Variants in CDH23 observed in about 807,000 individuals in gnomAD.
CDH23 encodes cadherin related 23, also known as cadherin-23.
A neutral mutation model predicts 317.1 loss-of-function variants in CDH23; 189 were observed. The observed-to-expected ratio is 0.60, with a 90% CI of 0.53 to 0.67. CDH23 has a LOEUF of 0.67. Ranked by LOEUF, CDH23 falls within the 30% of genes least tolerant of loss-of-function variation. The pLI is 0.00. For synonymous variants in CDH23, 1,839 were observed against 1,876.8 expected (o/e 0.98, Z 0.52); for missense variants, 4,401 against 4,592.4 (o/e 0.96, Z 1.20).
chr10:71,585,329 A>G (rs1858976861), intron 9 of CDH23, among the ~76,000 whole-genome samples: 1 of 152,172 alleles, frequency 6.6e-6, no homozygotes, highest in Non-Finnish European at 1.5e-5. Context: ...CCCTAGACCC[A>G]CATGTACCAA....
At chr10:71,499,736 G>C (rs1162544718) in intron 3 of CDH23, among the ~76,000 whole-genome samples, 1 of 152,116 alleles carries the variant, frequency 6.6e-6, no homozygotes, top group Non-Finnish European at 1.5e-5. Flanking sequence ...CTACTTGGGA[G>C]GCTGAGGCAG....
At chr10:71,530,562 A>G (rs2394806) in intron 6 of CDH23, among the ~76,000 whole-genome samples, 110,135 of 152,134 alleles carry the variant, frequency 0.72, 40,286 homozygotes, top group East Asian at 0.89. Context: ...GTGTGAGGCT[A>G]GGTCTCTCGA....
intron 14 of CDH23, among the ~76,000 whole-genome samples, chr10:71,660,422 C>T (rs1174639020): frequency 1.3e-5 from 2 of 152,174 alleles, no homozygotes; most frequent in Admixed American, 6.5e-5. Flanking sequence ...CCTTCCAGCT[C>T]TCTTCTCCAC....
intron 38 of CDH23, chr10:71,761,896 C>A (rs374090338): frequency 6.2e-7 from 1 of 1,614,020 alleles, no homozygotes; most frequent in Non-Finnish European, 8.5e-7. Flanking sequence ...TGCGGTACCA[C>A]GTCTTGTAGA....
At chr10:71,590,362 G>A (rs1859382802) in intron 9 of CDH23, among the ~76,000 whole-genome samples, 1 of 152,156 alleles carries the variant, frequency 6.6e-6, no homozygotes, top group Non-Finnish European at 1.5e-5. Flanking sequence ...CCCACCACTT[G>A]AAGGCATTTC....
intron 38 of CDH23, among the ~76,000 whole-genome samples, chr10:71,765,567 C>G (rs1475396761): frequency 6.6e-6 from 1 of 152,150 alleles, no homozygotes; most frequent in East Asian, 1.9e-4. Flanking sequence ...GGTTAATGAC[C>G]CCAGGATTGT....
intron 38 of CDH23, among the ~76,000 whole-genome samples, chr10:71,767,904 C>T (rs1840592681): frequency 1.3e-5 from 2 of 152,160 alleles, no homozygotes; most frequent in South Asian, 4.1e-4. Flanking sequence ...GAGCTGGAGG[C>T]TAGCATGCCT....
At chr10:71,702,290 T>G in intron 23 of CDH23, 79 bp downstream of exon 23, 3 of 1,468,354 alleles carry the variant, frequency 2.0e-6, no homozygotes, top group Non-Finnish European at 1.9e-6. Flanking sequence ...CTGGGGTACC[T>G]GGGGCCCACC....
At chr10:71,589,974 T>C (rs1859357454) in intron 9 of CDH23, among the ~76,000 whole-genome samples, 1 of 152,214 alleles carries the variant, frequency 6.6e-6, no homozygotes. Flanking sequence ...CCCAGTTGCC[T>C]AAGATTTCAT....
intron 11 of CDH23, chr10:71,635,231 T>C (rs1862207240): frequency 6.5e-6 from 1 of 152,680 alleles, no homozygotes. Flanking sequence ...TATAATTCTT[T>C]TCTCAGGAGA....
At chr10:71,760,115 A>ATG (rs1840305461) in intron 38 of CDH23, among the ~76,000 whole-genome samples, 1 of 95,236 alleles carries the variant, frequency 1.1e-5, no homozygotes, top group Non-Finnish European at 2.4e-5. Flanking sequence ...ACATACATAT[A>ATG]TGTGTGTATA....
chr10:71,570,149 G>A (rs1384749106), intron 7 of CDH23, among the ~76,000 whole-genome samples: 2 of 152,066 alleles, frequency 1.3e-5, no homozygotes, highest in South Asian at 2.1e-4. Context: ...AGTCTTTCTC[G>A]GAGTCCCCCA....
chr10:71,687,173 T>G (rs1244195650), intron 18 of CDH23, among the ~76,000 whole-genome samples: 1 of 152,220 alleles, frequency 6.6e-6, no homozygotes, highest in Non-Finnish European at 1.5e-5. Flanking sequence ...GGGAACCACC[T>G]GACCCTGAGC....
In CDH23 at chr10:71,421,361, C is replaced by T. The variant is rs1388538791; in HGVS notation, c.-5-18466C>T. ...CACCACCTGCCCCACCTGAGGAGAA[C>T]CTGTGTGCCTGGGGAGTGGGTGGGG... On this transcript the variant is annotated intron_variant, in intron 1 of 69. Coordinates refer to ENST00000224721, the MANE Select transcript of CDH23 (RefSeq NM_022124.6). 4.6e-5 allele frequency among the ~76,000 whole-genome samples: 7 copies of T among 152,362 alleles called. No homozygotes were observed. In the South Asian group the frequency reaches 1.0e-3, roughly 23 times the overall value.
At chr10:71,445,555 G>A (rs1177293835) in intron 2 of CDH23, among the ~76,000 whole-genome samples, 11 of 152,206 alleles carry the variant, frequency 7.2e-5, no homozygotes. Context: ...AAAGTAAAAA[G>A]AGACAACGTG....
intron 17 of CDH23, among the ~76,000 whole-genome samples, chr10:71,680,914 C>T (rs193187993): frequency 1.0e-4 from 15 of 146,648 alleles, no homozygotes; most frequent in African/African-American, 3.8e-4. Flanking sequence ...TTGCAACCTC[C>T]GCCTTGTGGG....
At chr10:71,650,479 T>C (rs1863114804) in intron 14 of CDH23, among the ~76,000 whole-genome samples, 1 of 152,154 alleles carries the variant, frequency 6.6e-6, no homozygotes, top group African/African-American at 2.4e-5. Context: ...TAGGCAGGCA[T>C]GTTTTTTTGT....
At chr10:71,521,980 C>T (rs1057303323) in intron 6 of CDH23, among the ~76,000 whole-genome samples, 9 of 152,110 alleles carry the variant, frequency 5.9e-5, no homozygotes, top group Non-Finnish European at 1.0e-4. Flanking sequence ...TTGGGCGAGT[C>T]GTCTCACTTC....
At chr10:71,707,938 C>T (rs578181791) in intron 26 of CDH23, among the ~76,000 whole-genome samples, 2 of 152,150 alleles carry the variant, frequency 1.3e-5, no homozygotes, top group South Asian at 4.1e-4. Context: ...ACGTGACCTC[C>T]CAGCCCTCAG....
Sources: gnomAD v4.1 joint callset for allele counts (sites outside exome capture counted in the v4.1 genomes callset) on GRCh38, gnomAD v4.1.1 for gene constraint, MANE v1.5 for transcripts, NCBI Gene and HGNC (gene_info 2026-07-23, HGNC 2026-07-21) for gene names.